The following DPP6 variants were observed in gnomAD, a reference collection of about 807,000 sequenced individuals.
DPP6 encodes dipeptidyl peptidase like 6.
In DPP6, 69 loss-of-function variants were observed where a neutral mutation model predicts 122.6. That is an observed-to-expected ratio of 0.56 (90% CI 0.46 to 0.69). The LOEUF (loss-of-function observed/expected upper bound fraction) is 0.69. Among genes scored for constraint, DPP6 ranks in the 30% least tolerant of loss-of-function variants. The pLI is 0.00. For missense variants in DPP6, 928 were observed against 1,116.9 expected (o/e 0.83, Z 2.41); for synonymous variants, 418 against 433.1 (o/e 0.97, Z 0.43).
chr7:154,374,622 T>TTTCTTTTTTTCTTC (rs1812970093), intron 1 of DPP6, among the ~76,000 whole-genome samples: 1 of 152,014 alleles, frequency 6.6e-6, no homozygotes, highest in Non-Finnish European at 1.5e-5. Flanking sequence ...TTTTTTTCTT[T>TTTCTTTTTTTCTTC]TTTTTTGAGA....
chr7:154,252,579 A>G (rs530905457), intron 1 of DPP6, among the ~76,000 whole-genome samples: 1 of 152,362 alleles, frequency 6.6e-6, no homozygotes, highest in South Asian at 2.1e-4. Flanking sequence ...ATAGCATATG[A>G]ACAAATGTCA....
At chr7:153,845,585 G>C in the DPP6 span, among the ~76,000 whole-genome samples, 720 of 151,858 alleles carry the variant, frequency 4.7e-3, 7 homozygotes, top group African/African-American at 0.017. Flanking sequence ...AACCATGACT[G>C]TAATTACTGA....
chr7:154,564,064 G>A (rs1277825101), intron 4 of DPP6, among the ~76,000 whole-genome samples: 8 of 152,184 alleles, frequency 5.3e-5, no homozygotes, highest in Non-Finnish European at 1.0e-4. Context: ...GAGAAAAGCA[G>A]GTGATGAGTG....
intron 21 of DPP6, 200 bp downstream of exon 21, chr7:154,881,142 T>C: frequency 4.4e-6 from 4 of 907,388 alleles, no homozygotes; most frequent in South Asian, 3.2e-5. Flanking sequence ...AAGTTTCTTT[T>C]TACATTATCT....
intron 7 of DPP6, among the ~76,000 whole-genome samples, chr7:154,680,357 C>G (rs7786229): frequency 6.6e-6 from 1 of 152,122 alleles, no homozygotes; most frequent in Non-Finnish European, 1.5e-5. Flanking sequence ...TCAACAAACA[C>G]ATTCATAACA....
intron 7 of DPP6, among the ~76,000 whole-genome samples, chr7:154,673,924 C>T (rs370437887): frequency 7.9e-5 from 12 of 151,688 alleles, no homozygotes; most frequent in East Asian, 1.9e-4. Context: ...TCACCCAGGC[C>T]GGAGTGAATG....
In DPP6 at chr7:154,501,674, G is replaced by A. The variant is rs138044785; in HGVS notation, c.457+26637G>A. Among the ~76,000 whole-genome samples the A allele has an allele frequency of 6.7e-3, 1,023 of 152,344 alleles. 6 individuals are homozygous for A. The highest frequency in any genetic ancestry group is 0.024 in the Middle Eastern group (7 of 294). On this transcript the variant is annotated intron_variant, in intron 3 of 25. Transcript: ENST00000377770. ...AGAAGATGTATGGAAACACCTGGAT[G>A]CCCAGGCAGAAGTTTGCTGCAGGGG... is the stretch of plus-strand genomic sequence containing the variant.
At chr7:154,322,111 C>T (rs1808025828) in intron 1 of DPP6, among the ~76,000 whole-genome samples, 1 of 150,790 alleles carries the variant, frequency 6.6e-6, no homozygotes, top group Admixed American at 6.6e-5. Flanking sequence ...CCCACCTCCT[C>T]AGCCCAGCCT....
intron 1 of DPP6, among the ~76,000 whole-genome samples, chr7:153,917,096 CA>C (rs748968444): frequency 9.9e-5 from 15 of 152,172 alleles, no homozygotes; most frequent in Non-Finnish European, 2.2e-4. Context: ...TGGGATTCTG[CA>C]TTTCTAACAA....
chr7:154,726,176 G>C (rs1004544101), intron 7 of DPP6, among the ~76,000 whole-genome samples: 4 of 152,132 alleles, frequency 2.6e-5, no homozygotes, highest in Non-Finnish European at 4.4e-5. Context: ...ACCATTCTAG[G>C]GTCTGGAAGA....
the DPP6 span, among the ~76,000 whole-genome samples, chr7:153,820,466 C>T: frequency 6.6e-5 from 10 of 152,290 alleles, no homozygotes; most frequent in African/African-American, 2.4e-4. Flanking sequence ...GAATCAAGAA[C>T]CCAGGTCCCT....
At chr7:154,104,446 A>G (rs576325059) in intron 1 of DPP6, among the ~76,000 whole-genome samples, 2 of 152,254 alleles carry the variant, frequency 1.3e-5, no homozygotes, top group African/African-American at 2.4e-5. Flanking sequence ...GCCAGTGCCC[A>G]TGGTGGAACG....
rs146259949 is a variant in DPP6 at position 154,870,962 on chromosome 7, C to CA, written c.1814-1639dup. On this transcript the variant is annotated intron_variant, in intron 18 of 25. Transcript: ENST00000377770. ...TGGGTGACAGAATGAGACTCCATCTCAAAAAAAAAAAAAAAAAAAAAAATG... is the reference window on the plus strand; with the variant it reads ...TGGGTGACAGAATGAGACTCCATCTCAAAAAAAAAAAAAAAAAAAAAAAATG... Among the ~76,000 whole-genome samples the CA allele has an allele frequency of 3.2e-3, 320 of 98,890 alleles. 2 individuals carry two copies. Among genetic ancestry groups the CA allele is most frequent in the East Asian group, 0.023 (85 of 3,640 alleles). The allele number at this position is 98,890 out of a possible 152,430, so 64.9% of individuals were successfully genotyped here. A position where few individuals can be genotyped will look rare whatever the true frequency, so the allele number is the denominator to read the frequency against.
At chr7:154,879,588 CA>C (rs778157355) in intron 20 of DPP6, among the ~76,000 whole-genome samples, 10,624 of 41,650 alleles carry the variant, frequency 0.26, 338 homozygotes, top group Non-Finnish European at 0.31. Flanking sequence ...GACTCCGTCT[CA>C]AAAAAAAAAA....
At chr7:154,722,034 A>G (rs998980552) in intron 7 of DPP6, among the ~76,000 whole-genome samples, 4 of 151,024 alleles carry the variant, frequency 2.6e-5, no homozygotes, top group African/African-American at 9.7e-5. Flanking sequence ...AGATAGATAG[A>G]TATATAGATA....
intron 1 of DPP6, among the ~76,000 whole-genome samples, chr7:154,426,622 G>A (rs1381524714): frequency 1.3e-5 from 2 of 151,936 alleles, no homozygotes; most frequent in African/African-American, 4.8e-5. Flanking sequence ...TTCCCATATC[G>A]GTGAGACATA....
At chr7:154,404,984 A>G (rs571962429) in intron 1 of DPP6, among the ~76,000 whole-genome samples, 2 of 152,310 alleles carry the variant, frequency 1.3e-5, no homozygotes, top group Admixed American at 1.3e-4. Flanking sequence ...ATAATAACAA[A>G]TGTGTTTTGT....
At chr7:154,692,539 T>C (rs1027159162) in intron 7 of DPP6, among the ~76,000 whole-genome samples, 1 of 152,124 alleles carries the variant, frequency 6.6e-6, no homozygotes, top group Non-Finnish European at 1.5e-5. Flanking sequence ...CTTCAGAGTT[T>C]GTAGGGAAAT....
intron 1 of DPP6, among the ~76,000 whole-genome samples, chr7:153,890,391 C>A (rs1448985752): frequency 1.3e-5 from 2 of 152,248 alleles, no homozygotes; most frequent in African/African-American, 4.8e-5. Context: ...TGCTCGCTGA[C>A]ATCCACATTG....
Sources: allele counts gnomAD v4.1 joint callset (sites outside exome capture counted in the v4.1 genomes callset), GRCh38; gene constraint gnomAD v4.1.1; transcripts MANE v1.5; gene names NCBI Gene and HGNC (gene_info 2026-07-23, HGNC 2026-07-21).